The following SLC35D4 variants were observed in gnomAD, a reference collection of about 807,000 sequenced individuals.
SLC35D4 encodes the protein solute carrier family 35 member D4.
the SLC35D4 span, among the ~76,000 whole-genome samples, chr18:23,305,007 C>T: frequency 6.6e-6 from 1 of 152,190 alleles, no homozygotes; most frequent in Non-Finnish European, 1.5e-5. Context: ...CTTTGATAAC[C>T]CCTTAAATGT....
chr18:23,280,849 C>A, the SLC35D4 span, among the ~76,000 whole-genome samples: 2 of 152,164 alleles, frequency 1.3e-5, no homozygotes, highest in African/African-American at 4.8e-5. Flanking sequence ...CATGCCCCCC[C>A]GTCTCCTCTT....
chr18:23,421,456 A>T, the SLC35D4 span: 2 of 1,613,754 alleles, frequency 1.2e-6, no homozygotes, highest in Non-Finnish European at 1.7e-6. Flanking sequence ...TGGAAAGGAC[A>T]AGGGGCAATG....
At chr18:23,384,686 A>T in the SLC35D4 span, among the ~76,000 whole-genome samples, 22 of 152,188 alleles carry the variant, frequency 1.4e-4, no homozygotes, top group Admixed American at 5.9e-4. Context: ...GTGGTGCTGG[A>T]TTGGCCGGGG....
chr18:23,422,953 CCA>C, the SLC35D4 span, among the ~76,000 whole-genome samples: 1 of 152,216 alleles, frequency 6.6e-6, no homozygotes, highest in African/African-American at 2.4e-5. Flanking sequence ...ACTTGAGACA[CCA>C]CACCTCAGAA....
At chr18:23,298,067 G>A in the SLC35D4 span, 14 of 1,613,698 alleles carry the variant, frequency 8.7e-6, no homozygotes, top group Non-Finnish European at 1.2e-5. Flanking sequence ...CGAGCAGGAG[G>A]CTGCAAACAA....
At chr18:23,351,678 A>T in the SLC35D4 span, among the ~76,000 whole-genome samples, 1 of 152,170 alleles carries the variant, frequency 6.6e-6, no homozygotes, top group Non-Finnish European at 1.5e-5. Context: ...AAACGTGCCA[A>T]CAGAAGTTGG....
the SLC35D4 span, among the ~76,000 whole-genome samples, chr18:23,431,643 A>G: frequency 1.3e-5 from 2 of 152,074 alleles, no homozygotes. Flanking sequence ...CCAATTCTGC[A>G]TAGGAGTCAT....
chr18:23,356,470 C>T, the SLC35D4 span: 1 of 953,430 alleles, frequency 1.0e-6, no homozygotes. This position sits in a 1 kb window ranked among gnomAD's most constrained non-coding sequence, Gnocchi z 4.1. Context: ...TGCTTCCTTG[C>T]CTGCATCCAC....
At chr18:23,249,356 C>G in the SLC35D4 span, among the ~76,000 whole-genome samples, 2 of 152,128 alleles carry the variant, frequency 1.3e-5, no homozygotes, top group Non-Finnish European at 2.9e-5. Context: ...AGCCTCAGCC[C>G]CGGGGGTTTA....
chr18:23,276,089 G>A, the SLC35D4 span, among the ~76,000 whole-genome samples: 1 of 151,304 alleles, frequency 6.6e-6, no homozygotes, highest in Non-Finnish European at 1.5e-5. Context: ...GGGGAAAAGG[G>A]CACCTTTTTT....
At chr18:23,386,997 C>T in the SLC35D4 span, among the ~76,000 whole-genome samples, 2 of 152,176 alleles carry the variant, frequency 1.3e-5, no homozygotes, top group South Asian at 4.1e-4. Flanking sequence ...GCAACCTCCA[C>T]CTCCTGGGTT....
At chr18:23,431,641 G>T in the SLC35D4 span, among the ~76,000 whole-genome samples, 1 of 151,782 alleles carries the variant, frequency 6.6e-6, no homozygotes, top group Non-Finnish European at 1.5e-5. Flanking sequence ...AACCAATTCT[G>T]CATAGGAGTC....
the SLC35D4 span, among the ~76,000 whole-genome samples, chr18:23,263,230 G>A: frequency 6.6e-6 from 1 of 152,236 alleles, no homozygotes; most frequent in East Asian, 1.9e-4. Flanking sequence ...CTAACATGGT[G>A]GAGGGCCAAA....
At chr18:23,269,884 G>C in the SLC35D4 span, among the ~76,000 whole-genome samples, 20 of 152,314 alleles carry the variant, frequency 1.3e-4, no homozygotes, top group African/African-American at 4.8e-4. Context: ...AAGTGGCAAA[G>C]CATTCAAGAG....
the SLC35D4 span, chr18:23,371,613 C>T: frequency 1.8e-6 from 1 of 569,116 alleles, no homozygotes; most frequent in African/African-American, 2.0e-5. Context: ...TACATCAGTT[C>T]CTTGGTTCCC....
the SLC35D4 span, among the ~76,000 whole-genome samples, chr18:23,319,449 TTTG>T: frequency 2.7e-4 from 41 of 151,812 alleles, no homozygotes; most frequent in African/African-American, 9.7e-4. Flanking sequence ...GTTTGTATTT[TTTG>T]TTGTTGTTGA....
chr18:23,426,136 G>A, the SLC35D4 span, among the ~76,000 whole-genome samples: 2 of 151,886 alleles, frequency 1.3e-5, no homozygotes, highest in Admixed American at 6.6e-5. Context: ...ATGAAATATA[G>A]GTGAATATCT....
At chr18:23,246,580 A>G in the SLC35D4 span, among the ~76,000 whole-genome samples, 3 of 151,582 alleles carry the variant, frequency 2.0e-5, no homozygotes, top group Non-Finnish European at 4.4e-5. Flanking sequence ...TTTAGTAGAG[A>G]TGGGGTTTCA....
the SLC35D4 span, among the ~76,000 whole-genome samples, chr18:23,303,104 C>T: frequency 1.3e-5 from 2 of 152,034 alleles, no homozygotes; most frequent in African/African-American, 2.4e-5. Flanking sequence ...CAGCCACCGC[C>T]CCTGCCTGGG....
Sources: gnomAD v4.1 joint callset for allele counts (sites outside exome capture counted in the v4.1 genomes callset) on GRCh38, gnomAD v4.1.1 for gene constraint, Gnocchi (gnomAD v3.1) non-coding constraint, MANE v1.5 for transcripts, NCBI Gene and HGNC (gene_info 2026-07-23, HGNC 2026-07-21) for gene names.